The following BMPR1A variants were observed in gnomAD, a reference collection of about 807,000 sequenced individuals.
BMPR1A encodes bone morphogenetic protein receptor type-1A.
BMPR1A carries 7 observed loss-of-function variants against 66.0 expected under a neutral mutation model. That is an observed-to-expected ratio of 0.11 (90% CI 0.06 to 0.20). The LOEUF (loss-of-function observed/expected upper bound fraction) is 0.20. BMPR1A is among the 10% of genes least tolerant of loss of function. BMPR1A has a pLI of 1.00. For synonymous variants in BMPR1A, 200 were observed against 229.7 expected, an observed-to-expected ratio of 0.87 and a Z score of 1.17; for missense variants, 408 against 669.1, an observed-to-expected ratio of 0.61 and a Z score of 4.31.
At chr10:86,839,521 A>G (rs1229246419) in intron 2 of BMPR1A, among the ~76,000 whole-genome samples, 2 of 147,898 alleles carry the variant, frequency 1.4e-5, no homozygotes, top group African/African-American at 5.0e-5. Context: ...TGAACCCAGA[A>G]TGCAGAGGTT....
intron 1 of BMPR1A, among the ~76,000 whole-genome samples, chr10:86,778,845 T>C (rs1841394498): frequency 6.6e-6 from 1 of 152,168 alleles, no homozygotes; most frequent in African/African-American, 2.4e-5. Context: ...TAACTTTCTG[T>C]TCCTGGCTTA....
At position 86,774,669 on chromosome 10, in the gene BMPR1A, G is replaced by A. The variant is rs563632822; in HGVS notation, c.-268+17750G>A. 4.6e-5 allele frequency among the ~76,000 whole-genome samples: 7 copies of A among 152,244 alleles called. No individual in the cohort carries two copies. The East Asian group carries it at 1.2e-3, about 25-fold the overall frequency. ...AGAACAATTTCTATTCTCACTTATC[G>A]TGTATTTGTAAAATCCCAAGTAAAA... is the stretch of plus-strand genomic sequence containing the variant. On this transcript the variant is annotated intron_variant, in intron 1 of 12. Coordinates refer to ENST00000372037, the MANE Select transcript of BMPR1A (RefSeq NM_004329.3).
chr10:86,888,241 A>AGGCAAG (rs1240910885), intron 3 of BMPR1A, among the ~76,000 whole-genome samples: 1 of 150,500 alleles, frequency 6.6e-6, no homozygotes, highest in Non-Finnish European at 1.5e-5. Context: ...AGGCAAGTGG[A>AGGCAAG]TCACTTGAGG....
In BMPR1A at chr10:86,890,094, G is replaced by C. The variant is rs1589763328; in HGVS notation, c.100G>C (p.Gly34Arg). The change falls in exon 4 of 13, where the codon GGG becomes CGG. Residue 34 changes from glycine (G) to arginine (R), a missense_variant. Gly to Arg is a moderately radical substitution (Grantham distance 125, BLOSUM62 -2). This residue lies in a region of BMPR1A where 68 missense variants were observed against 83.0 expected (regional missense o/e 0.82). Transcript: ENST00000372037. The stretch of plus-strand genomic sequence containing the variant: ...TCTGGATAGTATGCTTCATGGCACT[G>C]GGATGAAATCAGACTCCGACCAGAA... ...QNLDSMLHGTGMKSDSDQKKS... is the reference protein window; with the variant it reads ...QNLDSMLHGTRMKSDSDQKKS... 1 of 1,613,458 alleles carries C rather than the reference G, an allele frequency of 6.2e-7. No homozygotes were observed.
chr10:86,815,380 G>C (rs1487714138), intron 1 of BMPR1A, among the ~76,000 whole-genome samples: 2 of 152,078 alleles, frequency 1.3e-5, no homozygotes, highest in Non-Finnish European at 2.9e-5. Flanking sequence ...CTGTGTGAGT[G>C]AGGCTGTTTC....
At chr10:86,897,298 G>A (rs1048949847) in intron 5 of BMPR1A, among the ~76,000 whole-genome samples, 7 of 152,160 alleles carry the variant, frequency 4.6e-5, no homozygotes, top group African/African-American at 7.2e-5. Context: ...CAGAGGGTAC[G>A]GGTGGAGAGT....
At chr10:86,862,452 T>C (rs1387921801) in intron 2 of BMPR1A, among the ~76,000 whole-genome samples, 2 of 152,036 alleles carry the variant, frequency 1.3e-5, no homozygotes, top group Admixed American at 1.3e-4. Context: ...TCTGAGTGAG[T>C]TGGAGCACCG....
At chr10:86,864,737 A>G (rs1005802089) in intron 2 of BMPR1A, among the ~76,000 whole-genome samples, 4 of 152,038 alleles carry the variant, frequency 2.6e-5, no homozygotes, top group African/African-American at 9.7e-5. Flanking sequence ...GTCCTTTAAT[A>G]CCCATTTTTC....
chr10:86,921,593 G>T lies in BMPR1A; in HGVS notation c.1240G>T (p.Asp414Tyr), dbSNP rs1554891329. ...TKRYMAPEVL[D>Y]ESLNKNHFQP... Reference sequence around the variant, plus strand: ...ACGCTACATGGCTCCCGAAGTGCTGGACGAAAGCCTGAACAAAAACCACTT... The same window carrying T: ...ACGCTACATGGCTCCCGAAGTGCTGTACGAAAGCCTGAACAAAAACCACTT... The change falls in exon 11 of 13, where the codon GAC becomes TAC. Residue 414 changes from aspartate to tyrosine, a missense_variant. Asp to Tyr is a radical substitution (Grantham distance 160). Coordinates refer to ENST00000372037, the MANE Select transcript of BMPR1A (RefSeq NM_004329.3). 6.2e-7 allele frequency: 1 copy of T among 1,614,158 alleles called. No individual in the cohort carries two copies. The highest frequency in any genetic ancestry group is 8.5e-7 in the Non-Finnish European group (1 of 1,180,032).
intron 7 of BMPR1A, among the ~76,000 whole-genome samples, chr10:86,902,482 G>A (rs995987702): frequency 2.0e-5 from 3 of 152,016 alleles, no homozygotes; most frequent in African/African-American, 7.3e-5. Context: ...CTATCAGCCA[G>A]GTGTGTGCTC....
rs189366331 is a variant in BMPR1A, at chr10:86,840,170, A to G, written c.-153+1191A>G. On this transcript the variant is annotated intron_variant, in intron 2 of 12. Transcript: ENST00000372037. ...TTATGTGGGGAATCTACATTTTAAG[A>G]AATAGATAGAATGTATGGTTTTATG... Among the ~76,000 whole-genome samples, 285 of 152,234 alleles carry G rather than the reference A, an allele frequency of 1.9e-3. 2 individuals carry two copies. The highest frequency in any genetic ancestry group is 2.5e-3 in the Non-Finnish European group (173 of 68,012).
intron 5 of BMPR1A, among the ~76,000 whole-genome samples, chr10:86,897,228 T>G (rs896211274): frequency 3.3e-5 from 5 of 152,166 alleles, no homozygotes; most frequent in African/African-American, 9.7e-5. Context: ...CCAAGTAAAT[T>G]TGTTTCCCAC....
At chr10:86,765,356 C>T (rs1022710275) in intron 1 of BMPR1A, among the ~76,000 whole-genome samples, 4 of 151,490 alleles carry the variant, frequency 2.6e-5, no homozygotes, top group African/African-American at 7.3e-5. Flanking sequence ...TGTGGTGGCA[C>T]GCCTGTAATC....
At chr10:86,880,971 C>G (rs1842978284) in intron 3 of BMPR1A, among the ~76,000 whole-genome samples, 1 of 152,040 alleles carries the variant, frequency 6.6e-6, no homozygotes, top group Non-Finnish European at 1.5e-5. Flanking sequence ...GAGGCCAAGG[C>G]AGGAGGATCA....
In BMPR1A at chr10:86,925,261, A is replaced by T. The variant is rs558159076; in HGVS notation, c.*1542A>T. ...TAATGCTTTTTAAATATTTATTCTG[A>T]GCAAACAATTCATGAGTACATCAAG... On this transcript the variant is annotated 3_prime_UTR_variant, in exon 13 of 13. Transcript: ENST00000372037. 1 of 225,346 alleles carries T rather than the reference A, an allele frequency of 4.4e-6. No homozygotes were observed. Among genetic ancestry groups the T allele is most frequent in the Admixed American group, 5.7e-5 (1 of 17,550 alleles). 14.0% of individuals were successfully genotyped at this position (225,346 alleles called of 1,614,324 possible).
At chr10:86,858,646 A>G (rs995033151) in intron 2 of BMPR1A, among the ~76,000 whole-genome samples, 5 of 152,240 alleles carry the variant, frequency 3.3e-5, no homozygotes, top group Admixed American at 3.3e-4. Context: ...CTATACACCA[A>G]TAATGAACTA....
At chr10:86,882,594 C>T (rs1047382751) in intron 3 of BMPR1A, among the ~76,000 whole-genome samples, 1 of 146,516 alleles carries the variant, frequency 6.8e-6, no homozygotes, top group African/African-American at 2.5e-5. Flanking sequence ...TTGTGGGGCT[C>T]AATTTTTTTT....
chr10:86,803,542 A>G (rs778110110), intron 1 of BMPR1A, among the ~76,000 whole-genome samples: 38 of 152,156 alleles, frequency 2.5e-4, no homozygotes, highest in Non-Finnish European at 4.9e-4. Context: ...GTTTTGTTGC[A>G]TAACGTAAGG....
chr10:86,855,966 G>A, intron 2 of BMPR1A: 1 of 626,918 alleles, frequency 1.6e-6, no homozygotes, highest in Non-Finnish European at 3.0e-6. Flanking sequence ...TTCTTTTCCA[G>A]AATGGCCACT....
Sources: allele counts gnomAD v4.1 joint callset (sites outside exome capture counted in the v4.1 genomes callset), GRCh38; gene constraint gnomAD v4.1.1; regional missense constraint gnomAD v4.1.1; transcripts MANE v1.5; gene names NCBI Gene and HGNC (gene_info 2026-07-23, HGNC 2026-07-21).